NAA11: variants seen among roughly 807,000 people sequenced by gnomAD.
NAA11 encodes N-alpha-acetyltransferase 11, NatA catalytic subunit.
NAA11 carries 15 observed loss-of-function variants against 16.1 expected under a neutral mutation model. That is an observed-to-expected ratio of 0.93 (90% confidence interval 0.62 to 1.44). NAA11 has a LOEUF of 1.44. Ranked by LOEUF, NAA11 falls within the 40% of genes most tolerant of loss-of-function variation. The pLI is 0.00. For missense variants in NAA11, 298 were observed against 291.3 expected (o/e 1.02, Z -0.17); for synonymous variants, 122 against 112.4 (o/e 1.09, Z -0.54).
chr4:79,248,234 C>T (rs1039729605), intron 2 of NAA11, among the ~76,000 whole-genome samples: 1 of 152,070 alleles, frequency 6.6e-6, no homozygotes, highest in Non-Finnish European at 1.5e-5. Flanking sequence ...CAGAGAGTTC[C>T]AGCAGAACGG....
chr4:79,161,652 A>T, the NAA11 span, among the ~76,000 whole-genome samples: 5 of 151,426 alleles, frequency 3.3e-5, no homozygotes, highest in Admixed American at 1.3e-4. Flanking sequence ...TAATCCATGT[A>T]TGTGGGATAT....
chr4:79,267,762 G>A (rs1471585560), intron 2 of NAA11, among the ~76,000 whole-genome samples: 1 of 152,050 alleles, frequency 6.6e-6, no homozygotes, highest in East Asian at 1.9e-4. Flanking sequence ...AATGGCATGT[G>A]CACTAAGCCC....
intron 2 of NAA11, among the ~76,000 whole-genome samples, chr4:79,267,368 G>A (rs1045298255): frequency 6.6e-6 from 1 of 152,144 alleles, no homozygotes. Context: ...AGGATGAATT[G>A]CTTTAGCAGT....
intron 1 of NAA11, among the ~76,000 whole-genome samples, chr4:79,301,580 T>G (rs1467071517): frequency 6.6e-6 from 1 of 152,232 alleles, no homozygotes; most frequent in African/African-American, 2.4e-5. Flanking sequence ...TAGAATCCAC[T>G]TCTAGCTCCT....
chr4:79,195,173 C>T, the NAA11 span, among the ~76,000 whole-genome samples: 1 of 152,052 alleles, frequency 6.6e-6, no homozygotes, highest in East Asian at 1.9e-4. Context: ...TTAGCTACCC[C>T]AGAGTTTGGA....
At chr4:79,218,953 T>G in the NAA11 span, among the ~76,000 whole-genome samples, 1 of 152,122 alleles carries the variant, frequency 6.6e-6, no homozygotes, top group Admixed American at 6.6e-5. Flanking sequence ...TTATTACACC[T>G]TTTTTGTTGA....
chr4:79,170,942 AAT>A, the NAA11 span, among the ~76,000 whole-genome samples: 3 of 152,160 alleles, frequency 2.0e-5, no homozygotes, highest in Non-Finnish European at 2.9e-5. Context: ...ACAAAAAAAA[AAT>A]ATAGCATTCA....
intron 2 of NAA11, among the ~76,000 whole-genome samples, chr4:79,235,765 A>C (rs924345165): frequency 6.6e-6 from 1 of 152,104 alleles, no homozygotes; most frequent in Admixed American, 6.6e-5. Context: ...TGGATCAGAT[A>C]GATAGATCAT....
intron 2 of NAA11, among the ~76,000 whole-genome samples, chr4:79,246,393 A>G (rs1308051372): frequency 2.6e-4 from 9 of 34,444 alleles, no homozygotes; most frequent in East Asian, 0.025. Context: ...AAAAAAAAAA[A>G]AAAAAAGAAA....
the NAA11 span, among the ~76,000 whole-genome samples, chr4:79,168,029 C>T: frequency 6.6e-6 from 1 of 151,666 alleles, no homozygotes; most frequent in Non-Finnish European, 1.5e-5. Context: ...TAGCCCCCTA[C>T]CCCCCAACAG....
intron 2 of NAA11, among the ~76,000 whole-genome samples, chr4:79,244,246 G>A (rs1176936699): frequency 6.6e-6 from 1 of 152,104 alleles, no homozygotes; most frequent in East Asian, 1.9e-4. Flanking sequence ...CTAGTGGGTG[G>A]GGCAGGGAGA....
At chr4:79,183,911 A>ACATAAC in the NAA11 span, among the ~76,000 whole-genome samples, 5 of 152,210 alleles carry the variant, frequency 3.3e-5, no homozygotes, top group African/African-American at 1.2e-4. Context: ...TTAAATGAGG[A>ACATAAC]TCAAGTTATG....
At chr4:79,321,598 C>A (rs950963578) in intron 1 of NAA11, among the ~76,000 whole-genome samples, 2 of 152,134 alleles carry the variant, frequency 1.3e-5, no homozygotes, top group Non-Finnish European at 2.9e-5. Context: ...CAACCTCTAA[C>A]TGAAATCTGG....
chr4:79,198,683 A>T, the NAA11 span, among the ~76,000 whole-genome samples: 1 of 151,924 alleles, frequency 6.6e-6, no homozygotes, highest in African/African-American at 2.4e-5. Context: ...ATGGGTCAAT[A>T]GTATCTTTGT....
chr4:79,269,215 C>T (rs1225838241), intron 2 of NAA11, among the ~76,000 whole-genome samples: 3 of 148,814 alleles, frequency 2.0e-5, no homozygotes, highest in Non-Finnish European at 4.5e-5. Flanking sequence ...GGGTATATAC[C>T]CAGTAATGGG....
chr4:79,279,959 C>G (rs1390852645), intron 2 of NAA11, among the ~76,000 whole-genome samples: 2 of 151,988 alleles, frequency 1.3e-5, no homozygotes, highest in African/African-American at 4.8e-5. Flanking sequence ...TCTATTTCCC[C>G]TCAGATAACC....
At chr4:79,157,496 CAT>C in the NAA11 span, among the ~76,000 whole-genome samples, 6 of 151,080 alleles carry the variant, frequency 4.0e-5, no homozygotes, top group African/African-American at 9.8e-5. Context: ...TATATACACA[CAT>C]ATATATGTAT....
In NAA11 at chr4:79,317,615, G is replaced by A. The variant is rs1000735017; in HGVS notation, c.*189C>T. The A allele has an allele frequency of 6.6e-6, 1 of 152,246 alleles. No individual in the cohort carries two copies. The highest frequency in any genetic ancestry group is 2.4e-5 in the African/African-American group (1 of 41,442). 9.4% of individuals were successfully genotyped at this position (152,246 alleles called of 1,614,324 possible). ...TTGGCTGTTGTGCAGTGGCTCTTGT[G>A]TCCAGGTATTCCTTCATGATCCCAG... On this transcript the variant is annotated 3_prime_UTR_variant, in exon 2 of 2. Transcript: ENST00000286794.
the NAA11 span, among the ~76,000 whole-genome samples, chr4:79,187,550 T>G: frequency 1.5e-3 from 235 of 152,330 alleles, no homozygotes; most frequent in Non-Finnish European, 2.7e-3. Context: ...CAATTTATAT[T>G]AGGTTCGGAA....
Sources: allele counts gnomAD v4.1 joint callset (sites outside exome capture counted in the v4.1 genomes callset), GRCh38; gene constraint gnomAD v4.1.1; transcripts MANE v1.5; gene names NCBI Gene and HGNC (gene_info 2026-07-23, HGNC 2026-07-21).